The following LRCH4 variants were observed in gnomAD, a reference collection of about 807,000 sequenced individuals.
The protein encoded by LRCH4 is leucine-rich repeat and calponin homology domain-containing protein 4.
Under a neutral mutation model 81.2 loss-of-function variants are expected in LRCH4, and 56 were observed. The observed-to-expected ratio is 0.69, with a 90% CI of 0.56 to 0.86. LRCH4 has a LOEUF of 0.86. Among genes scored for constraint, LRCH4 ranks in the 40% least tolerant of loss-of-function variants. LRCH4 has a pLI of 0.00. For synonymous variants in LRCH4, 442 were observed against 409.7 expected, an observed-to-expected ratio of 1.08 and a Z score of -0.95; for missense variants, 895 against 922.8, an observed-to-expected ratio of 0.97 and a Z score of 0.39.
At position 100,575,420 on chromosome 7, in the gene LRCH4, T is replaced by G; in HGVS notation, c.1855-116A>C. 1 of 1,013,090 alleles carries G rather than the reference T, an allele frequency of 9.9e-7. No individual in the cohort carries two copies. 62.8% of individuals were successfully genotyped at this position (1,013,090 alleles called of 1,614,324 possible). On this transcript the variant is annotated intron_variant, in intron 17 of 17. Coordinates refer to ENST00000310300, the MANE Select transcript of LRCH4 (RefSeq NM_002319.5). The surrounding 1 kb of genome is among the most constrained non-coding windows in gnomAD (Gnocchi z 5.3). Reference sequence around the variant, plus strand: ...TGGGGCCAGAACCACGCCCACATGCTGACGTGCTGGGCAGGGGGAGTGCAG... The same window carrying G: ...TGGGGCCAGAACCACGCCCACATGCGGACGTGCTGGGCAGGGGGAGTGCAG...
Position 100,578,275 on chromosome 7 carries a change from G to A in LRCH4, c.849-17C>T, listed in dbSNP as rs767446502. 5.0e-5 allele frequency: 80 copies of A among 1,609,208 alleles called. 2 individuals are homozygous for A. Among genetic ancestry groups the A allele is most frequent in the South Asian group, 2.0e-4 (18 of 90,986 alleles). On this transcript the variant is annotated splice_polypyrimidine_tract_variant and intron_variant, in intron 6 of 17. Coordinates refer to ENST00000310300, the MANE Select transcript of LRCH4 (RefSeq NM_002319.5). This position sits in a 1 kb window ranked among gnomAD's most constrained non-coding sequence, Gnocchi z 5.7. ...TCTGCAGGGCTGGGGCCAGCCAGGC[G>A]GATCTGGTCAGCCTGATGCTGGACA...
chr7:100,584,387 C>G (rs1340407596), intron 1 of LRCH4, among the ~76,000 whole-genome samples: 1 of 151,722 alleles, frequency 6.6e-6, no homozygotes, highest in African/African-American at 2.4e-5. Flanking sequence ...CTCACAGGAG[C>G]ACGGCTGCAC....
rs962864593 is a variant in LRCH4 at position 100,574,705 on chromosome 7, C to A, written c.*402G>T. ...CACAGAGATAGGGACCCGGCCTGGGCCCCGAACCCCTACAAATATAGATCC... is the reference window on the plus strand; with the variant it reads ...CACAGAGATAGGGACCCGGCCTGGGACCCGAACCCCTACAAATATAGATCC... On this transcript the variant is annotated 3_prime_UTR_variant, in exon 18 of 18. Transcript: ENST00000310300. 1 of 188,006 alleles carries A rather than the reference C, an allele frequency of 5.3e-6. No individual in the cohort carries two copies. The highest frequency in any genetic ancestry group is 1.1e-5 in the Non-Finnish European group (1 of 88,906). 11.6% of individuals were successfully genotyped at this position (188,006 alleles called of 1,614,324 possible). A position where few individuals can be genotyped will look rare whatever the true frequency, so the allele number is the denominator to read the frequency against.
Position 100,578,593 on chromosome 7 carries a change from C to A in LRCH4, c.735+57G>T. 1.9e-6 allele frequency: 3 copies of A among 1,602,750 alleles called. No homozygotes were observed. Among genetic ancestry groups the A allele is most frequent in the Non-Finnish European group, 2.6e-6 (3 of 1,173,234 alleles). ...CTGCTCAGCTATCCAAGGGGACCAA[C>A]CCCACTCCTGCCTAGCCACACCCCT... On this transcript the variant is annotated intron_variant, in intron 5 of 17. Coordinates refer to ENST00000310300, the MANE Select transcript of LRCH4 (RefSeq NM_002319.5). This position sits in a 1 kb window ranked among gnomAD's most constrained non-coding sequence, Gnocchi z 5.7.
In LRCH4 at chr7:100,575,912, G is replaced by A; in HGVS notation, c.1735C>T (p.Pro579Ser). 6.2e-7 allele frequency: 1 copy of A among 1,612,568 alleles called. No individual in the cohort carries two copies. ...ILCQLANQLR[P>S]RSVPFIHVPS... ...ACATGGATGAAGGGCACGGAGCGCGGCCGTAGCTGGTTGGCCAGCTGGCAC... is the reference window on the plus strand; with the variant it reads ...ACATGGATGAAGGGCACGGAGCGCGACCGTAGCTGGTTGGCCAGCTGGCAC... The change falls in exon 16 of 18, where the codon CCG (proline) becomes TCG (serine). Residue 579 changes from proline (P) to serine (S), a missense_variant. By Grantham distance (74) the Pro-to-Ser change is moderately conservative. This residue lies in a region of LRCH4 where 529 missense variants were observed against 504.9 expected (regional missense o/e 1.05). Transcript: ENST00000310300. The surrounding 1 kb of genome is among the most constrained non-coding windows in gnomAD (Gnocchi z 5.3).
chr7:100,580,825 A>ATG, intron 4 of LRCH4: 1 of 145,560 alleles, frequency 6.9e-6, no homozygotes. Context: ...ACACACATGC[A>ATG]CAGACACACA....
Position 100,574,908 on chromosome 7 carries a change from G to A in LRCH4, c.*199C>T, listed in dbSNP as rs1452320069. 8 of 559,870 alleles carry A rather than the reference G, an allele frequency of 1.4e-5. No homozygotes were observed. The highest frequency in any genetic ancestry group is 2.5e-5 in the Non-Finnish European group (8 of 314,946). The allele number at this position is 559,870 out of a possible 1,614,324, so 34.7% of individuals were successfully genotyped here. A position where few individuals can be genotyped will look rare whatever the true frequency, so the allele number is the denominator to read the frequency against. ...CAGCACTGAGAGGTGGGGACTCGTG[G>A]GGCTACTGGAGGGAGGCCAGAGGCT... On this transcript the variant is annotated 3_prime_UTR_variant, in exon 18 of 18. Coordinates refer to ENST00000310300, the MANE Select transcript of LRCH4 (RefSeq NM_002319.5).
rs1562809011 is a variant in LRCH4 at position 100,582,180 on chromosome 7, G to C, written c.366-13C>G. On this transcript the variant is annotated splice_polypyrimidine_tract_variant and intron_variant, in intron 2 of 17. Coordinates refer to ENST00000310300, the MANE Select transcript of LRCH4 (RefSeq NM_002319.5). The surrounding 1 kb of genome is among the most constrained non-coding windows in gnomAD (Gnocchi z 5.0). The stretch of plus-strand genomic sequence containing the variant: ...CAGCTGGTTTCGGCTGTGGAAGGGA[G>C]AAAGGCAGCGGACTGGCTCCCCAGG... The C allele has an allele frequency of 1.2e-6, 2 of 1,613,594 alleles. No homozygotes were observed. Among genetic ancestry groups the C allele is most frequent in the Non-Finnish European group, 1.7e-6 (2 of 1,179,918 alleles).
At position 100,577,942 on chromosome 7, in the gene LRCH4, G is replaced by A. The variant is rs1415937295; in HGVS notation, c.949-30C>T. 1.3e-6 allele frequency: 2 copies of A among 1,573,050 alleles called. No homozygotes were observed. Among genetic ancestry groups the A allele is most frequent in the Non-Finnish European group, 1.7e-6 (2 of 1,143,780 alleles). ...AAAGGCAGAGGCAGAGATGGGAGAT[G>A]GCCTCTCTGTACATGGGGGCTCAGG... On this transcript the variant is annotated intron_variant, in intron 7 of 17. Coordinates refer to ENST00000310300, the MANE Select transcript of LRCH4 (RefSeq NM_002319.5). This position sits in a 1 kb window ranked among gnomAD's most constrained non-coding sequence, Gnocchi z 6.7.
chr7:100,585,124 T>C (rs531092089), intron 1 of LRCH4: 270 of 209,518 alleles, frequency 1.3e-3, no homozygotes, highest in Non-Finnish European at 2.3e-3. Flanking sequence ...AAGATTTCCT[T>C]CCCTCCAGCA....
In LRCH4 at chr7:100,578,367, C is replaced by T. The variant is rs934823029; in HGVS notation, c.848+32G>A. 8.7e-6 allele frequency: 14 copies of T among 1,607,576 alleles called. No homozygotes were observed. The Middle Eastern group carries it at 1.8e-3, about 209-fold the overall frequency. On this transcript the variant is annotated intron_variant, in intron 6 of 17. Coordinates refer to ENST00000310300, the MANE Select transcript of LRCH4 (RefSeq NM_002319.5). This position sits in a 1 kb window ranked among gnomAD's most constrained non-coding sequence, Gnocchi z 5.7. ...GGCCGGGAAGGGGCATTCAGTATCCCAGGGCTTCCTTCCTCCCCACCTAGG... is the reference window on the plus strand; with the variant it reads ...GGCCGGGAAGGGGCATTCAGTATCCTAGGGCTTCCTTCCTCCCCACCTAGG...
chr7:100,576,146 A>G, intron 15 of LRCH4, 92 bp downstream of exon 15: 1 of 1,498,866 alleles, frequency 6.7e-7, no homozygotes, highest in Non-Finnish European at 9.1e-7. Context: ...GAGTGGGCAC[A>G]GAGGATGTGG....
rs1228335612 is a variant in LRCH4, at chr7:100,577,051, G to A, written c.1364+35C>T. The A allele has an allele frequency of 6.2e-7, 1 of 1,614,092 alleles. No homozygotes were observed. The highest frequency in any genetic ancestry group is 1.1e-5 in the South Asian group (1 of 91,088). ...ATTAGAGGGATGATGGTCATAGGAAGAGGAGTGGGGAGGGGATGCTGGCAG... is the reference window on the plus strand; with the variant it reads ...ATTAGAGGGATGATGGTCATAGGAAAAGGAGTGGGGAGGGGATGCTGGCAG... On this transcript the variant is annotated intron_variant, in intron 12 of 17. Coordinates refer to ENST00000310300, the MANE Select transcript of LRCH4 (RefSeq NM_002319.5). This position sits in a 1 kb window ranked among gnomAD's most constrained non-coding sequence, Gnocchi z 6.7.
In LRCH4 at chr7:100,582,571, A is replaced by G; in HGVS notation, c.221-112T>C. On this transcript the variant is annotated intron_variant, in intron 1 of 17. Transcript: ENST00000310300. The surrounding 1 kb of genome is among the most constrained non-coding windows in gnomAD (Gnocchi z 5.0). ...CCTCACCTCCACACCTAAAGATTCA[A>G]GGCCATCAATGTGGCCTCCCAGGAG... 1 of 1,117,362 alleles carries G rather than the reference A, an allele frequency of 8.9e-7. No individual in the cohort carries two copies. The highest frequency in any genetic ancestry group is 1.3e-6 in the Non-Finnish European group (1 of 781,596). 69.2% of individuals were successfully genotyped at this position (1,117,362 alleles called of 1,614,324 possible).
In LRCH4 at chr7:100,575,999, A is replaced by T; in HGVS notation, c.1648T>A (p.Ser550Thr). 1 of 1,604,696 alleles carries T rather than the reference A, an allele frequency of 6.2e-7. No homozygotes were observed. The highest frequency in any genetic ancestry group is 8.5e-7 in the Non-Finnish European group (1 of 1,178,836). The change falls in exon 16 of 18, where the codon TCC becomes ACC. Residue 550 changes from serine (S) to threonine (T), a missense_variant. Physicochemically the swap from Ser to Thr is moderately conservative, Grantham distance 58. This residue lies in a region of LRCH4 where 529 missense variants were observed against 504.9 expected (regional missense o/e 1.05). Coordinates refer to ENST00000310300, the MANE Select transcript of LRCH4 (RefSeq NM_002319.5). The surrounding 1 kb of genome is among the most constrained non-coding windows in gnomAD (Gnocchi z 5.3). ...TCAGGCAGGGGCCGCTGCAGCCGGG[A>T]CTCAAGGACCTGGCAGTGTAGACCA... ...LMTQLRQVLE[S>T]RLQRPLPEDL...
rs1801320507 is a variant in LRCH4 at position 100,575,442 on chromosome 7, G to A, written c.1855-138C>T. 1 of 902,282 alleles carries A rather than the reference G, an allele frequency of 1.1e-6. No homozygotes were observed. The highest frequency in any genetic ancestry group is 1.8e-6 in the Non-Finnish European group (1 of 570,252). 55.9% of individuals were successfully genotyped at this position (902,282 alleles called of 1,614,324 possible). A position where few individuals can be genotyped will look rare whatever the true frequency, so the allele number is the denominator to read the frequency against. On this transcript the variant is annotated intron_variant, in intron 17 of 17. Coordinates refer to ENST00000310300, the MANE Select transcript of LRCH4 (RefSeq NM_002319.5). This position sits in a 1 kb window ranked among gnomAD's most constrained non-coding sequence, Gnocchi z 5.3. ...TGCTGACGTGCTGGGCAGGGGGAGT[G>A]CAGTGCAGGAGGAGTGCAGGGCAGG...
At chr7:100,584,175 G>GAA in intron 1 of LRCH4, 1 of 456,612 alleles carries the variant, frequency 2.2e-6, no homozygotes, top group Non-Finnish European at 4.4e-6. Context: ...CGTCTGCTTG[G>GAA]AGGGCGAGGA....
Position 100,577,750 on chromosome 7 carries a change from C to T in LRCH4, c.1040-10G>A. 6.2e-7 allele frequency: 1 copy of T among 1,614,118 alleles called. No individual in the cohort carries two copies. The highest frequency in any genetic ancestry group is 8.5e-7 in the Non-Finnish European group (1 of 1,179,984). ...ACAGGGTCTCCGTCCGCTGGGGAGGCCAGCATGTCAGCAAGTGAGCGGGGA... is the reference window on the plus strand; with the variant it reads ...ACAGGGTCTCCGTCCGCTGGGGAGGTCAGCATGTCAGCAAGTGAGCGGGGA... On this transcript the variant is annotated splice_polypyrimidine_tract_variant and intron_variant, in intron 8 of 17. Coordinates refer to ENST00000310300, the MANE Select transcript of LRCH4 (RefSeq NM_002319.5). This position sits in a 1 kb window ranked among gnomAD's most constrained non-coding sequence, Gnocchi z 6.7.
rs1337137343 is a variant in LRCH4, at chr7:100,585,965, T to G, written c.136A>C (p.Thr46Pro). 7 of 1,611,956 alleles carry G rather than the reference T, an allele frequency of 4.3e-6. No individual in the cohort carries two copies. The highest frequency in any genetic ancestry group is 5.9e-6 in the Non-Finnish European group (7 of 1,178,948). The change falls in exon 1 of 18, where the codon ACC (threonine) becomes CCC (proline). Residue 46 changes from threonine (T) to proline (P), a missense_variant. By Grantham distance (38) the Thr-to-Pro change is conservative. Coordinates refer to ENST00000310300, the MANE Select transcript of LRCH4 (RefSeq NM_002319.5). ...AAGCGCCGGTTAGACAGGTTCAGGG[T>G]CCCGGTGGCCACGGCCTCCTCTAGG... ...RALEEAVATG[T>P]LNLSNRRLKH... is the part of the protein sequence containing the mutation.
Sources: gnomAD v4.1 joint callset for allele counts (sites outside exome capture counted in the v4.1 genomes callset) on GRCh38, gnomAD v4.1.1 for gene constraint, gnomAD v4.1.1 regional missense constraint, Gnocchi (gnomAD v3.1) non-coding constraint, MANE v1.5 for transcripts, NCBI Gene and HGNC (gene_info 2026-07-23, HGNC 2026-07-21) for gene names.